BTBD9: variants seen among roughly 807,000 people sequenced by gnomAD.
The protein encoded by BTBD9 is BTB/POZ domain-containing protein 9.
A neutral mutation model predicts 64.3 loss-of-function variants in BTBD9; 49 were observed. The ratio of observed to expected loss-of-function variants is 0.76; its 90% confidence interval spans 0.61 to 0.97. The LOEUF is 0.97. BTBD9 is among the 50% of genes least tolerant of loss of function. The probability of loss-of-function intolerance (pLI) is 0.00; values close to 1 mark genes in which losing one functional copy is unlikely to be tolerated. For missense variants in BTBD9, 598 were observed against 762.1 expected (o/e 0.78, Z 2.53); for synonymous variants, 260 against 274.7 (o/e 0.95, Z 0.53).
intron 1 of BTBD9, among the ~76,000 whole-genome samples, chr6:38,632,599 A>G: frequency 6.6e-6 from 1 of 152,066 alleles, no homozygotes; most frequent in South Asian, 2.1e-4. Context: ...TGTACTTGAA[A>G]AAGTACAGTT....
intron 8 of BTBD9, among the ~76,000 whole-genome samples, chr6:38,258,505 G>A (rs143716045): frequency 6.6e-6 from 1 of 152,286 alleles, no homozygotes; most frequent in East Asian, 1.9e-4. Context: ...CAGTGTCTAC[G>A]TCTTACTGAT....
intron 6 of BTBD9, among the ~76,000 whole-genome samples, chr6:38,556,548 TGTGAGA>T (rs760457632): frequency 0.019 from 1,335 of 72,060 alleles, 13 homozygotes; most frequent in African/African-American, 0.042. Context: ...TGTGTGTGTG[TGTGAGA>T]GAGAGAGAGA....
rs73730913 is a variant in BTBD9 at position 38,229,733 on chromosome 6, G to A, written c.1562+26676C>T. Among the ~76,000 whole-genome samples, 1,365 of 152,244 alleles carry A rather than the reference G, an allele frequency of 9.0e-3. 23 individuals are homozygous for A. Among genetic ancestry groups the A allele is most frequent in the African/African-American group, 0.031 (1,276 of 41,546 alleles). On this transcript the variant is annotated intron_variant, in intron 9 of 10. Transcript: ENST00000481247. ...GCTTGACTGCTCCCATCCTGTACTT[G>A]TAGAATTGATTTTCTGAACCTAAAT...
At chr6:38,285,402 T>G (rs566870473) in intron 8 of BTBD9, among the ~76,000 whole-genome samples, 2 of 152,170 alleles carry the variant, frequency 1.3e-5, no homozygotes, top group South Asian at 2.1e-4. Flanking sequence ...ATGGTGCCAC[T>G]GAATGAGATG....
At chr6:38,598,466 T>G (rs772289181) in intron 1 of BTBD9, among the ~76,000 whole-genome samples, 2 of 152,172 alleles carry the variant, frequency 1.3e-5, no homozygotes, top group Non-Finnish European at 2.9e-5. Flanking sequence ...AACTTCTCTT[T>G]TACATAGATA....
In BTBD9 at chr6:38,276,291, T is replaced by G. The variant is rs572387314; in HGVS notation, c.1454+11981A>C. On this transcript the variant is annotated intron_variant, in intron 8 of 10. Transcript: ENST00000481247. Reference sequence around the variant, plus strand: ...GCATGTTCTCACTCATAGGTGGGAATTGAACAATGGAACACATGGACACAG... The same window carrying G: ...GCATGTTCTCACTCATAGGTGGGAAGTGAACAATGGAACACATGGACACAG... 2.0e-4 allele frequency among the ~76,000 whole-genome samples: 29 copies of G among 148,670 alleles called. No homozygotes were observed. In the Middle Eastern group the frequency reaches 0.011, roughly 56 times the overall value.
At chr6:38,297,467 T>C (rs943393993) in intron 7 of BTBD9, among the ~76,000 whole-genome samples, 2 of 152,238 alleles carry the variant, frequency 1.3e-5, no homozygotes, top group Admixed American at 1.3e-4. Context: ...CACATCATCA[T>C]GTACATCATC....
chr6:38,218,987 T>G (rs1763101890), intron 9 of BTBD9, among the ~76,000 whole-genome samples: 1 of 152,300 alleles, frequency 6.6e-6, no homozygotes, highest in Admixed American at 6.5e-5. Flanking sequence ...TTGGTGATAC[T>G]GACAGTTACT....
At chr6:38,556,052 A>G (rs1490825579) in intron 6 of BTBD9, among the ~76,000 whole-genome samples, 1 of 152,194 alleles carries the variant, frequency 6.6e-6, no homozygotes, top group Non-Finnish European at 1.5e-5. Context: ...CTGTTTCCCT[A>G]TGCAACCTTC....
chr6:38,246,188 A>G (rs1764193378), intron 9 of BTBD9, among the ~76,000 whole-genome samples: 1 of 152,216 alleles, frequency 6.6e-6, no homozygotes, highest in Admixed American at 6.5e-5. Flanking sequence ...ATGCCTCCCA[A>G]TGTTTGGGTA....
rs538274130 is a variant in BTBD9, at chr6:38,418,382, C to T, written c.1155-73289G>A. Among the ~76,000 whole-genome samples, 4 of 152,286 alleles carry T rather than the reference C, an allele frequency of 2.6e-5. No homozygotes were observed. The East Asian group carries it at 7.7e-4, about 29-fold the overall frequency. On this transcript the variant is annotated intron_variant, in intron 6 of 10. Coordinates refer to ENST00000481247, the MANE Select transcript of BTBD9 (RefSeq NM_001099272.2). ...ACTGAAGTGTATGCTGGCCATTTCT[C>T]CTCTTTATCTCTACCACTTCCACTC... is the stretch of plus-strand genomic sequence containing the variant.
In BTBD9 at chr6:38,385,237, G is replaced by T. The variant is rs576785519; in HGVS notation, c.1155-40144C>A. Among the ~76,000 whole-genome samples, 12 of 150,068 alleles carry T rather than the reference G, an allele frequency of 8.0e-5. No individual in the cohort carries two copies. In the East Asian group the frequency reaches 2.3e-3, roughly 29 times the overall value. ...GACAAAGTCTTGCTCTGTCGCCCAG[G>T]CTGGGGTGCAGTGGCTCAATCTCAG... On this transcript the variant is annotated intron_variant, in intron 6 of 10. Transcript: ENST00000481247.
At position 38,538,793 on chromosome 6, in the gene BTBD9, T is replaced by C. The variant is rs533330147; in HGVS notation, c.1154+38807A>G. Among the ~76,000 whole-genome samples, 31 of 151,982 alleles carry C rather than the reference T, an allele frequency of 2.0e-4. No individual in the cohort carries two copies. In the East Asian group the frequency reaches 5.4e-3, roughly 27 times the overall value. ...TAGCTTTTTCTTTTTCTTTTTTTTTTTTCTTTTTGAGACAGAGTCTTGCTC... is the reference window on the plus strand; with the variant it reads ...TAGCTTTTTCTTTTTCTTTTTTTTTCTTCTTTTTGAGACAGAGTCTTGCTC... On this transcript the variant is annotated intron_variant, in intron 6 of 10. Transcript: ENST00000481247.
chr6:38,256,241 A>G (rs577234575), intron 9 of BTBD9, among the ~76,000 whole-genome samples, 168 bp downstream of exon 9: 1 of 152,298 alleles, frequency 6.6e-6, no homozygotes, highest in African/African-American at 2.4e-5. Flanking sequence ...AGTAAATTTC[A>G]TATAAGTATT....
intron 6 of BTBD9, among the ~76,000 whole-genome samples, chr6:38,402,315 A>G (rs1466867360): frequency 1.3e-5 from 2 of 151,902 alleles, no homozygotes; most frequent in Admixed American, 1.3e-4. Flanking sequence ...ATCCCAACAC[A>G]CTTATTTGTA....
chr6:38,342,522 C>T lies in BTBD9; in HGVS notation c.1264+2462G>A, dbSNP rs182466794. On this transcript the variant is annotated intron_variant, in intron 7 of 10. Coordinates refer to ENST00000481247, the MANE Select transcript of BTBD9 (RefSeq NM_001099272.2). The stretch of plus-strand genomic sequence containing the variant: ...CTGCACTCCAGCCTGGACAACAGAG[C>T]GAGACTCTGTCTCAAAAAAAAAAAA... Among the ~76,000 whole-genome samples the T allele has an allele frequency of 2.9e-4, 38 of 130,278 alleles. No homozygotes were observed. The East Asian group carries it at 6.1e-3, about 21-fold the overall frequency. 85.5% of individuals were successfully genotyped at this position (130,278 alleles called of 152,430 possible).
At chr6:38,286,338 T>C (rs1425783736) in intron 8 of BTBD9, among the ~76,000 whole-genome samples, 1 of 152,240 alleles carries the variant, frequency 6.6e-6, no homozygotes, top group Non-Finnish European at 1.5e-5. Flanking sequence ...AAACCTTTGC[T>C]TATTAGAATA....
chr6:38,486,822 C>T (rs1193173015), intron 6 of BTBD9, among the ~76,000 whole-genome samples: 1 of 152,214 alleles, frequency 6.6e-6, no homozygotes, highest in Non-Finnish European at 1.5e-5. Flanking sequence ...CACGGAGTTG[C>T]CATAACCTTC....
chr6:38,447,861 C>G (rs1178925327), intron 6 of BTBD9, among the ~76,000 whole-genome samples: 1 of 152,168 alleles, frequency 6.6e-6, no homozygotes, highest in Non-Finnish European at 1.5e-5. Context: ...GTTAAAGAAG[C>G]TGGTGGGATA....
Sources: gnomAD v4.1 joint callset for allele counts (sites outside exome capture counted in the v4.1 genomes callset) on GRCh38, gnomAD v4.1.1 for gene constraint, MANE v1.5 for transcripts, NCBI Gene and HGNC (gene_info 2026-07-23, HGNC 2026-07-21) for gene names.